Variants in IL17RD observed in about 807,000 individuals in gnomAD.
IL17RD encodes the protein interleukin-17 receptor D.
In IL17RD, 52 loss-of-function variants were observed where a neutral mutation model predicts 80.5. That is an observed-to-expected ratio of 0.65 (90% confidence interval 0.52 to 0.81). IL17RD has a LOEUF of 0.81. Ranked by LOEUF, IL17RD falls within the 40% of genes least tolerant of loss-of-function variation. The probability of loss-of-function intolerance (pLI) is 0.00; values close to 1 mark genes in which losing one functional copy is unlikely to be tolerated. For missense variants in IL17RD, 1,024 were observed against 955.1 expected, an observed-to-expected ratio of 1.07 and a Z score of -0.95; for synonymous variants, 416 against 391.8, an observed-to-expected ratio of 1.06 and a Z score of -0.73.
intron 1 of IL17RD, among the ~76,000 whole-genome samples, chr3:57,146,200 AT>A: frequency 6.6e-6 from 1 of 152,214 alleles, no homozygotes; most frequent in Non-Finnish European, 1.5e-5. Context: ...AGACTCACTA[AT>A]CAATAATTCT....
At chr3:57,164,295 G>A (rs2060329555) in intron 1 of IL17RD, among the ~76,000 whole-genome samples, 1 of 152,168 alleles carries the variant, frequency 6.6e-6, no homozygotes, top group Non-Finnish European at 1.5e-5. Flanking sequence ...AGGTTCTGGG[G>A]CCGCCCAAGG....
At chr3:57,156,916 G>T (rs2060270870) in intron 1 of IL17RD, among the ~76,000 whole-genome samples, 2 of 152,070 alleles carry the variant, frequency 1.3e-5, no homozygotes, top group South Asian at 4.1e-4. Context: ...CTTCATCTAA[G>T]CCTCCCACGA....
chr3:57,096,860 A>C (rs140669248), intron 12 of IL17RD, among the ~76,000 whole-genome samples: 4,192 of 152,172 alleles, frequency 0.028, 95 homozygotes, highest in Non-Finnish European at 0.039. Context: ...AGATACAAAA[A>C]TTTAGCTGGG....
intron 3 of IL17RD, among the ~76,000 whole-genome samples, chr3:57,111,001 C>A (rs1309481953): frequency 6.6e-6 from 1 of 152,210 alleles, no homozygotes; most frequent in Non-Finnish European, 1.5e-5. Flanking sequence ...CCTGAGCTCC[C>A]CCCACTGCAC....
At chr3:57,114,909 G>A in intron 2 of IL17RD, 92 bp from the exon 3 acceptor site, 1 of 1,066,022 alleles carries the variant, frequency 9.4e-7, no homozygotes, top group East Asian at 2.8e-5. Flanking sequence ...CATGTCTGAA[G>A]GTGGCCAAAT....
intron 1 of IL17RD, among the ~76,000 whole-genome samples, chr3:57,123,971 G>A: frequency 6.6e-6 from 1 of 152,142 alleles, no homozygotes; most frequent in East Asian, 1.9e-4. Context: ...CTTGAACCCG[G>A]GAGGCGGAGG....
chr3:57,103,548 G>T (rs1442304367), intron 8 of IL17RD, among the ~76,000 whole-genome samples: 1 of 152,166 alleles, frequency 6.6e-6, no homozygotes, highest in Non-Finnish European at 1.5e-5. Flanking sequence ...AGGAGTGCAA[G>T]AACTAGGTGT....
intron 1 of IL17RD, among the ~76,000 whole-genome samples, chr3:57,125,877 G>C (rs1161995929): frequency 6.6e-6 from 1 of 152,206 alleles, no homozygotes; most frequent in Non-Finnish European, 1.5e-5. Context: ...TCCTGGGCCT[G>C]ACACATAGTC....
At chr3:57,136,455 T>C (rs528233056) in intron 1 of IL17RD, among the ~76,000 whole-genome samples, 2 of 152,120 alleles carry the variant, frequency 1.3e-5, no homozygotes, top group South Asian at 2.1e-4. Context: ...CTCCATCTCA[T>C]AGACCCCATC....
intron 1 of IL17RD, among the ~76,000 whole-genome samples, chr3:57,120,627 G>C (rs1254957850): frequency 6.6e-6 from 1 of 152,204 alleles, no homozygotes; most frequent in East Asian, 1.9e-4. Context: ...GAGAGACCAA[G>C]AGCTGCCAGC....
intron 1 of IL17RD, among the ~76,000 whole-genome samples, chr3:57,164,559 G>A (rs971121923): frequency 6.6e-6 from 1 of 152,218 alleles, no homozygotes; most frequent in African/African-American, 2.4e-5. Flanking sequence ...ACAAGACGAA[G>A]GGCTGAACCG....
In IL17RD at chr3:57,098,502, T is replaced by C. The variant is rs1232762488; in HGVS notation, c.1201A>G (p.Arg401Gly). 1.2e-6 allele frequency: 2 copies of C among 1,611,670 alleles called. No individual in the cohort carries two copies. Among genetic ancestry groups the C allele is most frequent in the African/African-American group, 1.3e-5 (1 of 74,984 alleles). Residue 401 changes from arginine (R) to glycine (G), a missense_variant, in exon 12 of 13, where the codon AGA (arginine) becomes GGA (glycine). By Grantham distance (125) the Arg-to-Gly change is moderately radical. Coordinates refer to ENST00000296318, the MANE Select transcript of IL17RD (RefSeq NM_017563.5). ...ATGACCCATTCTCTCTGCCCTTCTC[T>C]ACAGAGGCTGAAGTCTTCCCACAGG... The part of the protein sequence containing the change: ...LDLWEDFSLC[R>G]EGQREWVIQK...
intron 1 of IL17RD, chr3:57,134,082 G>A: frequency 2.1e-6 from 1 of 471,726 alleles, no homozygotes; most frequent in Non-Finnish European, 3.9e-6. Context: ...TGGCTAAACT[G>A]ACTTTAAACT....
chr3:57,134,193 A>T, intron 1 of IL17RD: 1 of 682,636 alleles, frequency 1.5e-6, no homozygotes, highest in Non-Finnish European at 2.8e-6. Flanking sequence ...CTGTGGCAAG[A>T]AGAAGGTCTG....
At chr3:57,169,014 A>T (rs535867560), upstream of IL17RD, among the ~76,000 whole-genome samples, 1 of 152,246 alleles carries the variant, frequency 6.6e-6, no homozygotes, top group Admixed American at 6.5e-5. Flanking sequence ...CGCCGCTCCC[A>T]GTCTCCATCT....
intron 1 of IL17RD, among the ~76,000 whole-genome samples, chr3:57,139,393 CTTTG>C (rs1707788548): frequency 6.6e-6 from 1 of 151,192 alleles, no homozygotes; most frequent in East Asian, 1.9e-4. Context: ...AAACTTTTTC[CTTTG>C]TTTAAATTTT....
chr3:57,097,295 T>C (rs1029608644), intron 12 of IL17RD, among the ~76,000 whole-genome samples: 7 of 152,210 alleles, frequency 4.6e-5, no homozygotes, highest in Non-Finnish European at 8.8e-5. Context: ...GGGCCCAATG[T>C]GTTTTCGTGT....
At chr3:57,099,445 A>C (rs1185115678) in intron 11 of IL17RD, among the ~76,000 whole-genome samples, 1 of 152,152 alleles carries the variant, frequency 6.6e-6, no homozygotes, top group Admixed American at 6.5e-5. Flanking sequence ...TATTGTGTTG[A>C]TGTCTTTCCT....
rs376531125 is a variant in IL17RD, at chr3:57,103,145, G to A, written c.814C>T (p.Leu272=). The A allele has an allele frequency of 8.7e-6, 14 of 1,601,478 alleles. No homozygotes were observed. The highest frequency in any genetic ancestry group is 1.1e-5 in the Non-Finnish European group (13 of 1,173,316). Reference sequence around the variant, plus strand: ...CTTGTTGTGTTAGTGTCATCCACCAGCTGCAAAACAGAGGATGCTGCATTA... The same window carrying A: ...CTTGTTGTGTTAGTGTCATCCACCAACTGCAAAACAGAGGATGCTGCATTA... ...NVSPGDYIIE[L]VDDTNTTRKV... is the part of the protein sequence containing the mutation. The change falls in exon 9 of 13, where the codon CTG becomes TTG. Residue 272 remains leucine (L), a splice_region_variant and synonymous_variant. Transcript: ENST00000296318.
Sources: allele counts gnomAD v4.1 joint callset (sites outside exome capture counted in the v4.1 genomes callset), GRCh38; gene constraint gnomAD v4.1.1; transcripts MANE v1.5; gene names NCBI Gene and HGNC (gene_info 2026-07-23, HGNC 2026-07-21).